LIMA1: variants seen among roughly 807,000 people sequenced by gnomAD.
LIMA1 encodes LIM domain and actin-binding protein 1.
In LIMA1, 52 loss-of-function variants were observed where a neutral mutation model predicts 62.6. The observed-to-expected ratio is 0.83, with a 90% CI of 0.67 to 1.05. The LOEUF (loss-of-function observed/expected upper bound fraction) is 1.05. Among genes scored for constraint, LIMA1 ranks in the 50% least tolerant of loss-of-function variants. The pLI is 0.00. For missense variants in LIMA1, 780 were observed against 902.2 expected (o/e 0.86, Z 1.74); for synonymous variants, 302 against 317.8 (o/e 0.95, Z 0.53).
chr12:50,201,321 C>T (rs1048026002), intron 6 of LIMA1: 5 of 987,418 alleles, frequency 5.1e-6, no homozygotes, highest in South Asian at 9.3e-5. Flanking sequence ...TATAAATGCC[C>T]GGCCTGGAAA....
intron 1 of LIMA1, chr12:50,256,467 G>A (rs1347841180): frequency 6.6e-6 from 1 of 152,130 alleles, no homozygotes; most frequent in Non-Finnish European, 1.5e-5. Context: ...ACTAAGAAAT[G>A]AGCACTGGTA....
chr12:50,255,849 T>A (rs371431640), intron 1 of LIMA1, among the ~76,000 whole-genome samples: 1 of 152,096 alleles, frequency 6.6e-6, no homozygotes, highest in Admixed American at 6.6e-5. Context: ...ACAAAAATAG[T>A]GACTAAATTC....
In LIMA1 at chr12:50,276,196, G is replaced by T. The variant is rs140964129; in HGVS notation, c.-24+7224C>A. Among the ~76,000 whole-genome samples, 170 of 152,188 alleles carry T rather than the reference G, an allele frequency of 1.1e-3. 1 individual carries two copies. The East Asian group carries it at 0.017, about 15-fold the overall frequency. ...ACTAAAAGGGGAATCTGAATTAGAA[G>T]ACTGATTAAAGAACTCTTATCACCC... is the stretch of plus-strand genomic sequence containing the variant. On this transcript the variant is annotated intron_variant, in intron 1 of 10. Coordinates refer to ENST00000341247, the MANE Select transcript of LIMA1 (RefSeq NM_016357.5).
chr12:50,262,742 C>T (rs1319683897), intron 1 of LIMA1, among the ~76,000 whole-genome samples: 2 of 151,998 alleles, frequency 1.3e-5, no homozygotes, highest in Non-Finnish European at 2.9e-5. Context: ...TCACTTGAGC[C>T]CAGGAGGTCA....
intron 2 of LIMA1, among the ~76,000 whole-genome samples, chr12:50,232,466 C>G (rs1452080892): frequency 1.3e-5 from 2 of 151,506 alleles, no homozygotes; most frequent in African/African-American, 4.9e-5. Context: ...GCCTCCAGGG[C>G]TCAAGTGATC....
chr12:50,206,476 A>C (rs1327419277), intron 4 of LIMA1, among the ~76,000 whole-genome samples: 2 of 152,144 alleles, frequency 1.3e-5, no homozygotes, highest in Non-Finnish European at 2.9e-5. Context: ...GGACTACTGC[A>C]TTATACCTCT....
intron 9 of LIMA1, chr12:50,185,753 C>T (rs1940616937): frequency 7.0e-6 from 2 of 284,620 alleles, no homozygotes; most frequent in African/African-American, 4.4e-5. Flanking sequence ...CATCGGCTCT[C>T]TCTTTAATAG....
At chr12:50,238,530 A>C (rs1277518259) in intron 2 of LIMA1, among the ~76,000 whole-genome samples, 2 of 151,248 alleles carry the variant, frequency 1.3e-5, no homozygotes, top group African/African-American at 4.9e-5. Context: ...CAAAACAAAC[A>C]AAAAAAGACA....
intron 3 of LIMA1, among the ~76,000 whole-genome samples, chr12:50,229,319 C>T (rs1941575611): frequency 6.6e-6 from 1 of 152,202 alleles, no homozygotes; most frequent in Admixed American, 6.5e-5. Context: ...ATCCTCCCGC[C>T]TTGGCCTCCT....
intron 1 of LIMA1, among the ~76,000 whole-genome samples, chr12:50,269,444 C>T (rs1275105923): frequency 2.6e-5 from 4 of 152,040 alleles, no homozygotes; most frequent in East Asian, 1.9e-4. Context: ...GCAGTTCTAG[C>T]GTACATGATA....
At chr12:50,209,814 T>C (rs1941221837) in intron 4 of LIMA1, among the ~76,000 whole-genome samples, 1 of 151,952 alleles carries the variant, frequency 6.6e-6, no homozygotes, top group African/African-American at 2.4e-5. Context: ...TACAGGCGTC[T>C]GCTACCACAC....
rs191747510 is a variant in LIMA1, at chr12:50,194,510, C to T, written c.1030+1320G>A. 3.3e-5 allele frequency among the ~76,000 whole-genome samples: 5 copies of T among 151,952 alleles called. No homozygotes were observed. In the East Asian group the frequency reaches 9.9e-4, roughly 30 times the overall value. On this transcript the variant is annotated intron_variant, in intron 8 of 10. Transcript: ENST00000341247. Reference sequence around the variant, plus strand: ...TTGGGGTTTCACCATATTGGCCAGGCTGGTCTTGAATTCCTGACCTCAAGT... The same window carrying T: ...TTGGGGTTTCACCATATTGGCCAGGTTGGTCTTGAATTCCTGACCTCAAGT...
chr12:50,213,397 T>G (rs1002794378), intron 4 of LIMA1, among the ~76,000 whole-genome samples: 2 of 152,276 alleles, frequency 1.3e-5, no homozygotes, highest in Non-Finnish European at 2.9e-5. Context: ...GAAGGGGTAC[T>G]ACCCAATTTC....
At chr12:50,182,841 A>T (rs1411523864) in intron 9 of LIMA1, among the ~76,000 whole-genome samples, 2 of 152,214 alleles carry the variant, frequency 1.3e-5, no homozygotes, top group East Asian at 3.8e-4. Context: ...AAGAATATAA[A>T]ACAGTTGGTA....
intron 3 of LIMA1, 33 bp downstream of exon 3, chr12:50,231,632 G>T (rs774339053): frequency 6.2e-7 from 1 of 1,609,058 alleles, no homozygotes; most frequent in Admixed American, 1.7e-5. Context: ...TGCTCAAGAA[G>T]TGCCACATGC....
intron 5 of LIMA1, among the ~76,000 whole-genome samples, chr12:50,205,479 C>T (rs1941134268): frequency 6.6e-6 from 1 of 152,044 alleles, no homozygotes; most frequent in Non-Finnish European, 1.5e-5. Flanking sequence ...CCTGTTTTTA[C>T]TAATTTTTTC....
At chr12:50,235,165 C>T (rs147412348) in intron 2 of LIMA1, among the ~76,000 whole-genome samples, 2 of 152,112 alleles carry the variant, frequency 1.3e-5, no homozygotes, top group East Asian at 3.9e-4. Context: ...AACTCCTGAG[C>T]TCAAGTGATC....
At chr12:50,244,824 G>A (rs2138628421) in intron 2 of LIMA1, among the ~76,000 whole-genome samples, 1 of 152,292 alleles carries the variant, frequency 6.6e-6, no homozygotes, top group East Asian at 1.9e-4. Context: ...TGACAGAATA[G>A]AGTGGTGAGA....
intron 7 of LIMA1, among the ~76,000 whole-genome samples, chr12:50,199,161 C>G (rs182443738): frequency 7.6e-4 from 116 of 152,280 alleles, no homozygotes; most frequent in Admixed American, 1.3e-3. Flanking sequence ...GAAACCCCAT[C>G]TCTACTAAAA....
Sources: allele counts gnomAD v4.1 joint callset (sites outside exome capture counted in the v4.1 genomes callset), GRCh38; gene constraint gnomAD v4.1.1; transcripts MANE v1.5; gene names NCBI Gene and HGNC (gene_info 2026-07-23, HGNC 2026-07-21).